The following LIMS2 variants were observed in gnomAD, a reference collection of about 807,000 sequenced individuals.
The protein encoded by LIMS2 is LIM and senescent cell antigen-like-containing domain protein 2.
In LIMS2, 30 loss-of-function variants were observed where a neutral mutation model predicts 45.3. The ratio of observed to expected loss-of-function variants is 0.66; its 90% CI spans 0.50 to 0.90. LIMS2 has a LOEUF of 0.90. LIMS2 is among the 40% of genes least tolerant of loss of function. The probability of loss-of-function intolerance (pLI) is 0.00; values close to 1 mark genes in which losing one functional copy is unlikely to be tolerated. For missense variants in LIMS2, 485 were observed against 468.7 expected, an observed-to-expected ratio of 1.03 and a Z score of -0.32; for synonymous variants, 173 against 188.0, an observed-to-expected ratio of 0.92 and a Z score of 0.65.
chr2:127,664,031 C>A lies in LIMS2; in HGVS notation c.12-6469G>T, dbSNP rs72843397. Among the ~76,000 whole-genome samples the A allele has an allele frequency of 2.0e-5, 3 of 152,152 alleles. No homozygotes were observed. The highest frequency in any genetic ancestry group is 2.9e-5 in the Non-Finnish European group (2 of 68,036). ...CTATAAAGTGCAGCATGATCACCCC[C>A]GTCTGAAAGCAGTGCTGGGGGCTAC... On this transcript the variant is annotated intron_variant, in intron 1 of 9. Transcript: ENST00000355119. This position sits in a 1 kb window ranked among gnomAD's most constrained non-coding sequence, Gnocchi z 5.5.
chr2:127,665,244 A>G (rs895955459), intron 1 of LIMS2, among the ~76,000 whole-genome samples: 1 of 152,314 alleles, frequency 6.6e-6, no homozygotes, highest in South Asian at 2.1e-4. Flanking sequence ...TTTCCCTGAA[A>G]GACCTTTCTA....
At chr2:127,648,080 T>C in intron 4 of LIMS2, 1 of 985,630 alleles carries the variant, frequency 1.0e-6, no homozygotes, top group Non-Finnish European at 1.2e-6. Flanking sequence ...ACCGTGGTTT[T>C]AGCAGTCCTA....
rs1207231505 is a variant in LIMS2, at chr2:127,667,014, C to T, written c.11+8000G>A. Among the ~76,000 whole-genome samples, 1 of 152,194 alleles carries T rather than the reference C, an allele frequency of 6.6e-6. No homozygotes were observed. The highest frequency in any genetic ancestry group is 2.4e-5 in the African/African-American group (1 of 41,452). ...CCAAATCACTTAGTAAGGCCAGTAA[C>T]ATGTAAAGAGACTGAGACAGTAACC... On this transcript the variant is annotated intron_variant, in intron 1 of 9. Coordinates refer to ENST00000355119, the MANE Select transcript of LIMS2 (RefSeq NM_001161403.3). The surrounding 1 kb of genome is among the most constrained non-coding windows in gnomAD (Gnocchi z 4.1).
chr2:127,656,771 G>A (rs1178041833), intron 2 of LIMS2, among the ~76,000 whole-genome samples: 2 of 152,162 alleles, frequency 1.3e-5, no homozygotes, highest in Admixed American at 6.5e-5. Flanking sequence ...ACACCCCGAG[G>A]TGGCTCCTGC....
Position 127,642,225 on chromosome 2 carries a change from G to C in LIMS2, c.510-26C>G, listed in dbSNP as rs1682498923. ...CTGGAAGACAGCGTGCAGCCCCCAG[G>C]TGCCACCCCTGCCCTTCTGCAGGGT... On this transcript the variant is annotated intron_variant, in intron 5 of 9. Coordinates refer to ENST00000355119, the MANE Select transcript of LIMS2 (RefSeq NM_001161403.3). The surrounding 1 kb of genome is among the most constrained non-coding windows in gnomAD (Gnocchi z 5.3). The C allele has an allele frequency of 2.0e-6, 3 of 1,501,676 alleles. No homozygotes were observed. Among genetic ancestry groups the C allele is most frequent in the Non-Finnish European group, 2.7e-6 (3 of 1,119,424 alleles). The allele number at this position is 1,501,676 out of a possible 1,614,324, so 93.0% of individuals were successfully genotyped here.
At chr2:127,668,684 A>C (rs1458627063) in intron 1 of LIMS2, among the ~76,000 whole-genome samples, 212 of 117,382 alleles carry the variant, frequency 1.8e-3, no homozygotes, top group African/African-American at 7.3e-3. Flanking sequence ...AAAAAAAAAA[A>C]AAAAAAAAAA....
chr2:127,660,629 A>G (rs1396513998), intron 1 of LIMS2, among the ~76,000 whole-genome samples: 1 of 152,166 alleles, frequency 6.6e-6, no homozygotes, highest in Admixed American at 6.5e-5. Context: ...TGAACGTCTG[A>G]AGGATCAAAC....
At chr2:127,660,975 G>T (rs923792430) in intron 1 of LIMS2, among the ~76,000 whole-genome samples, 2 of 152,224 alleles carry the variant, frequency 1.3e-5, no homozygotes, top group Admixed American at 1.3e-4. Flanking sequence ...GTGCCCAGGG[G>T]CTGCCCCAGC....
Position 127,664,437 on chromosome 2 carries a change from G to A in LIMS2, c.12-6875C>T. 1 of 1,189,656 alleles carries A rather than the reference G, an allele frequency of 8.4e-7. No homozygotes were observed. Among genetic ancestry groups the A allele is most frequent in the Non-Finnish European group, 1.0e-6 (1 of 960,840 alleles). 73.7% of individuals were successfully genotyped at this position (1,189,656 alleles called of 1,614,324 possible). On this transcript the variant is annotated intron_variant, in intron 1 of 9. Coordinates refer to ENST00000355119, the MANE Select transcript of LIMS2 (RefSeq NM_001161403.3). The surrounding 1 kb of genome is among the most constrained non-coding windows in gnomAD (Gnocchi z 5.5). ...TCGCGGGCGCGGGCCGCCTGGTGCAGGGGCTATGGGACCACCTCGGAGGGG... is the reference window on the plus strand; with the variant it reads ...TCGCGGGCGCGGGCCGCCTGGTGCAAGGGCTATGGGACCACCTCGGAGGGG...
chr2:127,666,706 C>T (rs563051639), intron 1 of LIMS2, among the ~76,000 whole-genome samples: 1 of 151,836 alleles, frequency 6.6e-6, no homozygotes, highest in Non-Finnish European at 1.5e-5. Context: ...AATCGACTCA[C>T]AGTTGAACAG....
In LIMS2 at chr2:127,667,489, T is replaced by C. The variant is rs1399362807; in HGVS notation, c.11+7525A>G. 6.6e-6 allele frequency among the ~76,000 whole-genome samples: 1 copy of C among 152,220 alleles called. No homozygotes were observed. Among genetic ancestry groups the C allele is most frequent in the Non-Finnish European group, 1.5e-5 (1 of 68,046 alleles). ...TAAATCTAACACTCTATAAAAAGTA[T>C]TATACACCGTGACCAAATGGGATTT... On this transcript the variant is annotated intron_variant, in intron 1 of 9. Transcript: ENST00000355119. The surrounding 1 kb of genome is among the most constrained non-coding windows in gnomAD (Gnocchi z 4.1).
Position 127,657,478 on chromosome 2 carries a change from A to AT in LIMS2, c.95dup (p.Asn32LysfsTer7). The AT allele has an allele frequency of 6.2e-7, 1 of 1,613,736 alleles. No homozygotes were observed. The highest frequency in any genetic ancestry group is 2.2e-5 in the East Asian group (1 of 44,888). On this transcript the variant is annotated frameshift_variant, in exon 2 of 10. Transcript: ENST00000355119. LOFTEE classifies it high-confidence loss of function. ...AGCAGTGCTCATGGTACAGCTCCCC[A>AT]TTGCTGTTGACAATGCGCTCGGCGG...
intron 1 of LIMS2, among the ~76,000 whole-genome samples, chr2:127,662,435 C>G (rs72843395): frequency 0.076 from 11,572 of 151,930 alleles, 479 homozygotes; most frequent in Middle Eastern, 0.14. Context: ...CTCCCTGCCC[C>G]GCCTCCATGA....
chr2:127,676,497 C>T (rs1329336851), upstream of LIMS2, among the ~76,000 whole-genome samples: 2 of 150,428 alleles, frequency 1.3e-5, no homozygotes, highest in Admixed American at 6.6e-5. Flanking sequence ...CTGCAACCTC[C>T]GCCTCCCAGG....
At chr2:127,640,780 TG>T in intron 7 of LIMS2, 115 bp downstream of exon 7, 1 of 905,370 alleles carries the variant, frequency 1.1e-6, no homozygotes. Context: ...GGTGCAGGCC[TG>T]GGCTCAGCAC....
chr2:127,660,445 C>T (rs757442234), intron 1 of LIMS2, among the ~76,000 whole-genome samples: 1 of 152,196 alleles, frequency 6.6e-6, no homozygotes, highest in Non-Finnish European at 1.5e-5. Flanking sequence ...TCTGCAGTTT[C>T]AATCCTGAAG....
At chr2:127,650,378 T>C in intron 4 of LIMS2, 1 of 528,610 alleles carries the variant, frequency 1.9e-6, no homozygotes, top group Non-Finnish European at 3.4e-6. Context: ...ACCCAGAGCC[T>C]CACCCAGGCA....
chr2:127,658,853 G>A (rs1684433459), intron 1 of LIMS2, among the ~76,000 whole-genome samples: 1 of 152,206 alleles, frequency 6.6e-6, no homozygotes, highest in Non-Finnish European at 1.5e-5. Flanking sequence ...CAGGACTCGA[G>A]TGCAGTGCCT....
Position 127,664,653 on chromosome 2 carries a change from T to A in LIMS2, c.12-7091A>T. On this transcript the variant is annotated intron_variant, in intron 1 of 9. Coordinates refer to ENST00000355119, the MANE Select transcript of LIMS2 (RefSeq NM_001161403.3). This position sits in a 1 kb window ranked among gnomAD's most constrained non-coding sequence, Gnocchi z 5.5. ...GAGGCTGGCGGGGGTTGGGTCCCGCTGGGAGGGGACTGGTCTGGGAAGGCC... is the reference window on the plus strand; with the variant it reads ...GAGGCTGGCGGGGGTTGGGTCCCGCAGGGAGGGGACTGGTCTGGGAAGGCC... 1 of 1,065,000 alleles carries A rather than the reference T, an allele frequency of 9.4e-7. No homozygotes were observed. Among genetic ancestry groups the A allele is most frequent in the Admixed American group, 5.3e-5 (1 of 18,926 alleles). 66.0% of individuals were successfully genotyped at this position (1,065,000 alleles called of 1,614,324 possible). A position where few individuals can be genotyped will look rare whatever the true frequency, so the allele number is the denominator to read the frequency against.
Sources: allele counts gnomAD v4.1 joint callset (sites outside exome capture counted in the v4.1 genomes callset), GRCh38; gene constraint gnomAD v4.1.1; non-coding constraint Gnocchi (gnomAD v3.1); transcripts MANE v1.5; gene names NCBI Gene and HGNC (gene_info 2026-07-23, HGNC 2026-07-21).